UACA: variants seen among roughly 807,000 people sequenced by gnomAD.
UACA encodes the protein nuclear membrane binding protein.
A neutral mutation model predicts 160.5 loss-of-function variants in UACA; 112 were observed. That is an observed-to-expected ratio of 0.70 (90% CI 0.60 to 0.82). The LOEUF is 0.82. Ranked by LOEUF, UACA falls within the 40% of genes least tolerant of loss-of-function variation. UACA has a pLI of 0.00. For synonymous variants in UACA, 557 were observed against 568.4 expected (o/e 0.98, Z 0.29); for missense variants, 1,574 against 1,614.6 (o/e 0.97, Z 0.43).
intron 18 of UACA, among the ~76,000 whole-genome samples, chr15:70,657,851 G>A (rs187418231): frequency 7.2e-5 from 11 of 152,160 alleles, no homozygotes; most frequent in African/African-American, 2.7e-4. Context: ...GGAGGCCAAG[G>A]TGGGAGGATC....
rs1896478386 is a variant in UACA at position 70,656,542 on chromosome 15, G to T, written c.*514C>A. Reference sequence around the variant, plus strand: ...AAAAATATCTATACCTACAAAAAAGGCCAAAGACACTAATGAAGTTACCTC... The same window carrying T: ...AAAAATATCTATACCTACAAAAAAGTCCAAAGACACTAATGAAGTTACCTC... On this transcript the variant is annotated 3_prime_UTR_variant, in exon 19 of 19. Transcript: ENST00000322954. 6.6e-6 allele frequency: 1 copy of T among 151,976 alleles called. No individual in the cohort carries two copies. The highest frequency in any genetic ancestry group is 6.6e-5 in the Admixed American group (1 of 15,262). 9.4% of individuals were successfully genotyped at this position (151,976 alleles called of 1,614,324 possible).
At chr15:70,681,934 C>T (rs1361974854) in intron 9 of UACA, 2 of 152,140 alleles carry the variant, frequency 1.3e-5, no homozygotes, top group African/African-American at 2.4e-5. Flanking sequence ...AAAAATGACA[C>T]AGGATGATGA....
chr15:70,772,471 C>T, the UACA span, among the ~76,000 whole-genome samples: 22 of 123,824 alleles, frequency 1.8e-4, no homozygotes, highest in East Asian at 1.9e-3. Flanking sequence ...CCAGCCTGGG[C>T]GACAGAGGGA....
rs1027843735 is a variant in UACA, at chr15:70,655,154, A to T, written c.*1902T>A. 6.6e-6 allele frequency: 1 copy of T among 152,244 alleles called. No individual in the cohort carries two copies. The highest frequency in any genetic ancestry group is 1.5e-5 in the Non-Finnish European group (1 of 68,038). 9.4% of individuals were successfully genotyped at this position (152,244 alleles called of 1,614,324 possible). A position where few individuals can be genotyped will look rare whatever the true frequency, so the allele number is the denominator to read the frequency against. On this transcript the variant is annotated 3_prime_UTR_variant, in exon 19 of 19. Coordinates refer to ENST00000322954, the MANE Select transcript of UACA (RefSeq NM_018003.4). ...GTTGAAAACAAAATAAAATACACAT[A>T]AGGTTCCCTTCCCATCTCTAATATG...
At chr15:70,737,918 T>A (rs963666703) in intron 1 of UACA, among the ~76,000 whole-genome samples, 1 of 152,154 alleles carries the variant, frequency 6.6e-6, no homozygotes, top group Non-Finnish European at 1.5e-5. Context: ...ACTCTACAAT[T>A]CAATAATTTG....
chr15:70,680,758 A>G (rs909757375), intron 9 of UACA, among the ~76,000 whole-genome samples: 1 of 152,132 alleles, frequency 6.6e-6, no homozygotes, highest in Non-Finnish European at 1.5e-5. Flanking sequence ...TCTTCCTGAC[A>G]AGCCTTGTTA....
chr15:70,749,222 T>C (rs1257485015), intron 1 of UACA: 3 of 447,846 alleles, frequency 6.7e-6, no homozygotes, highest in South Asian at 3.2e-5. Flanking sequence ...AATTTTTTCA[T>C]AACAAAAAGT....
At chr15:70,690,320 T>C (rs2140949035) in intron 5 of UACA, 134 bp downstream of exon 5, 1 of 828,754 alleles carries the variant, frequency 1.2e-6, no homozygotes, top group Non-Finnish European at 1.9e-6. Flanking sequence ...AATCTCTAAT[T>C]TGTGCAAACA....
chr15:70,662,902 A>G (rs1377036525), intron 17 of UACA, among the ~76,000 whole-genome samples: 41 of 151,932 alleles, frequency 2.7e-4, no homozygotes, highest in Admixed American at 2.7e-3. Context: ...CTAAAACCAT[A>G]AAAACCCTAG....
Position 70,717,337 on chromosome 15 carries a change from A to C in UACA, c.79-17677T>G, listed in dbSNP as rs146964464. Reference sequence around the variant, plus strand: ...ACCATAACAGAGCAAGAACCATAAGAGCCTTCTCTATGTGTAACCTTTAGA... The same window carrying C: ...ACCATAACAGAGCAAGAACCATAAGCGCCTTCTCTATGTGTAACCTTTAGA... On this transcript the variant is annotated intron_variant, in intron 1 of 18. Transcript: ENST00000322954. Among the ~76,000 whole-genome samples, 62 of 152,356 alleles carry C rather than the reference A, an allele frequency of 4.1e-4. 1 individual carries two copies. In the East Asian group the frequency reaches 0.011, roughly 27 times the overall value.
At chr15:70,739,289 T>C (rs939925931) in intron 1 of UACA, among the ~76,000 whole-genome samples, 16 of 152,202 alleles carry the variant, frequency 1.1e-4, no homozygotes, top group Admixed American at 5.9e-4. Flanking sequence ...TAATTCTTTA[T>C]TGTGAAGAGG....
chr15:70,717,845 A>AG (rs1898865769), intron 1 of UACA, among the ~76,000 whole-genome samples: 2 of 152,076 alleles, frequency 1.3e-5, no homozygotes, highest in African/African-American at 4.8e-5. Flanking sequence ...TACCCTCTAT[A>AG]ATGTAGATAG....
At chr15:70,679,437 A>AATAAATAAATAAATAAATAG (rs1383179345) in intron 10 of UACA, among the ~76,000 whole-genome samples, 171 bp downstream of exon 10, 4 of 148,250 alleles carry the variant, frequency 2.7e-5, no homozygotes, top group African/African-American at 9.8e-5. Context: ...TAAATAAATA[A>AATAAATAAATAAATAAATAG]ATAGAAGAGA....
intron 1 of UACA, chr15:70,702,134 C>T: frequency 3.1e-6 from 4 of 1,298,128 alleles, no homozygotes. Context: ...CCTTGCAATG[C>T]AGAACTTGAT....
chr15:70,728,492 G>A (rs1049946498), intron 1 of UACA, among the ~76,000 whole-genome samples: 2 of 151,570 alleles, frequency 1.3e-5, no homozygotes, highest in Non-Finnish European at 2.9e-5. Flanking sequence ...GAACCCAGGA[G>A]GCGGAGGTTG....
intron 1 of UACA, among the ~76,000 whole-genome samples, chr15:70,719,111 GAAGGAGAAGGAGAAGA>G: frequency 6.6e-6 from 1 of 151,568 alleles, no homozygotes; most frequent in South Asian, 2.1e-4. Flanking sequence ...AAGATGAAGA[GAAGGAGAAGGAGAAGA>G]GAAGAGAACA....
chr15:70,704,345 G>A (rs575869062), intron 1 of UACA, among the ~76,000 whole-genome samples: 3 of 152,254 alleles, frequency 2.0e-5, no homozygotes, highest in Admixed American at 6.5e-5. Context: ...TGAGATGAGG[G>A]CAGTTAGCCC....
chr15:70,767,132 C>T (rs1010164726), upstream of UACA, among the ~76,000 whole-genome samples: 1 of 150,198 alleles, frequency 6.7e-6, no homozygotes, highest in East Asian at 2.0e-4. Context: ...CCCAGCTACT[C>T]TGGAGGCTGA....
intron 9 of UACA, among the ~76,000 whole-genome samples, chr15:70,680,861 C>G (rs772667486): frequency 2.6e-4 from 39 of 152,354 alleles, no homozygotes; most frequent in Admixed American, 5.2e-4. Context: ...CACGTCCTGC[C>G]TTCCGCCATC....
Sources: gnomAD v4.1 joint callset for allele counts (sites outside exome capture counted in the v4.1 genomes callset) on GRCh38, gnomAD v4.1.1 for gene constraint, MANE v1.5 for transcripts, NCBI Gene and HGNC (gene_info 2026-07-23, HGNC 2026-07-21) for gene names.